The following TENM3 variants were observed in gnomAD, a reference collection of about 807,000 sequenced individuals.
TENM3 encodes teneurin transmembrane protein 3.
TENM3 carries 63 observed loss-of-function variants against 255.1 expected under a neutral mutation model. That is an observed-to-expected ratio of 0.25 (90% CI 0.20 to 0.30). TENM3 has a LOEUF of 0.30. Ranked by LOEUF, TENM3 falls within the 10% of genes least tolerant of loss-of-function variation. The pLI is 1.00. For synonymous variants in TENM3, 1,306 were observed against 1,322.3 expected, an observed-to-expected ratio of 0.99 and a Z score of 0.27; for missense variants, 2,929 against 3,461.1, an observed-to-expected ratio of 0.85 and a Z score of 3.86.
chr4:181,736,640 G>A, the TENM3 span, among the ~76,000 whole-genome samples: 3 of 151,652 alleles, frequency 2.0e-5, no homozygotes, highest in Admixed American at 6.6e-5. Context: ...TTATGTGAGC[G>A]TATACACCCA....
intron 3 of TENM3, among the ~76,000 whole-genome samples, chr4:182,558,803 TC>T (rs1423799371): frequency 6.6e-6 from 1 of 152,186 alleles, no homozygotes; most frequent in Non-Finnish European, 1.5e-5. Flanking sequence ...TTATGCTTCT[TC>T]CAGAGAAGCT....
chr4:182,511,912 A>C (rs1737437622), intron 3 of TENM3, among the ~76,000 whole-genome samples: 1 of 152,206 alleles, frequency 6.6e-6, no homozygotes, highest in Non-Finnish European at 1.5e-5. Flanking sequence ...ATAATCTAAG[A>C]GTTAAGTATT....
chr4:182,772,706 T>G (rs1764349103), intron 22 of TENM3: 1 of 152,174 alleles, frequency 6.6e-6, no homozygotes, highest in Non-Finnish European at 1.5e-5. Context: ...AAATGTATTT[T>G]AACACTCAAA....
chr4:182,089,708 C>T, the TENM3 span, among the ~76,000 whole-genome samples: 2 of 152,106 alleles, frequency 1.3e-5, no homozygotes, highest in African/African-American at 4.8e-5. Flanking sequence ...TAGTGCATTC[C>T]ACTGTATTCA....
At chr4:182,777,337 G>C (rs58812179) in intron 24 of TENM3, among the ~76,000 whole-genome samples, 8,405 of 152,136 alleles carry the variant, frequency 0.055, 782 homozygotes, top group African/African-American at 0.19. Flanking sequence ...AATGAGGAAA[G>C]CCAGCCTCAC....
the TENM3 span, among the ~76,000 whole-genome samples, chr4:181,788,563 G>T: frequency 6.6e-6 from 1 of 152,140 alleles, no homozygotes; most frequent in Non-Finnish European, 1.5e-5. Flanking sequence ...GTGCTTTCTA[G>T]GTACAGTGCG....
At chr4:181,950,767 A>G in the TENM3 span, among the ~76,000 whole-genome samples, 1 of 152,218 alleles carries the variant, frequency 6.6e-6, no homozygotes, top group Non-Finnish European at 1.5e-5. Context: ...ACAACCAGAC[A>G]CAGTTGCTCA....
At chr4:181,760,207 A>T in the TENM3 span, among the ~76,000 whole-genome samples, 1 of 152,200 alleles carries the variant, frequency 6.6e-6, no homozygotes, top group African/African-American at 2.4e-5. Flanking sequence ...CTCCAAAAAA[A>T]AAATCTCCAC....
At chr4:182,459,237 G>A (rs774051887) in intron 3 of TENM3, among the ~76,000 whole-genome samples, 6 of 151,980 alleles carry the variant, frequency 3.9e-5, no homozygotes, top group Non-Finnish European at 5.9e-5. Flanking sequence ...AGCCTGTGAG[G>A]CCTTTTCAAA....
intron 3 of TENM3, among the ~76,000 whole-genome samples, chr4:182,484,693 C>T (rs938621821): frequency 1.3e-5 from 2 of 151,992 alleles, no homozygotes; most frequent in Admixed American, 1.3e-4. Context: ...CTGGAGTACC[C>T]ATTTCAAAAT....
intron 3 of TENM3, among the ~76,000 whole-genome samples, chr4:182,347,359 A>C (rs1429355683): frequency 6.6e-6 from 1 of 152,216 alleles, no homozygotes; most frequent in Admixed American, 6.5e-5. Flanking sequence ...AGATATCTCA[A>C]AGAAGTTGCA....
At chr4:181,665,174 C>A in the TENM3 span, among the ~76,000 whole-genome samples, 4 of 152,162 alleles carry the variant, frequency 2.6e-5, no homozygotes, top group African/African-American at 7.2e-5. Flanking sequence ...ACCCTACGCA[C>A]TGAGGCACCA....
At chr4:182,650,171 A>G (rs922362990) in intron 5 of TENM3, among the ~76,000 whole-genome samples, 2 of 150,432 alleles carry the variant, frequency 1.3e-5, no homozygotes, top group African/African-American at 4.8e-5. Flanking sequence ...TTTGAAATGC[A>G]TATTGCATCA....
At chr4:182,001,103 G>A in the TENM3 span, among the ~76,000 whole-genome samples, 11 of 148,650 alleles carry the variant, frequency 7.4e-5, no homozygotes, top group Non-Finnish European at 1.3e-4. Flanking sequence ...CACCCACCAA[G>A]GTATTTGTAT....
the TENM3 span, among the ~76,000 whole-genome samples, chr4:182,112,080 G>A: frequency 1.1e-4 from 17 of 152,186 alleles, no homozygotes; most frequent in East Asian, 9.6e-4. Context: ...ACTTGACCCC[G>A]GGAGTTCCAG....
At chr4:181,924,020 A>C in the TENM3 span, among the ~76,000 whole-genome samples, 4 of 152,136 alleles carry the variant, frequency 2.6e-5, no homozygotes, top group African/African-American at 7.2e-5. Context: ...TACATGTCTT[A>C]CTGGGTTTAT....
At chr4:181,944,673 G>C in the TENM3 span, among the ~76,000 whole-genome samples, 1 of 152,008 alleles carries the variant, frequency 6.6e-6, no homozygotes, top group Non-Finnish European at 1.5e-5. Flanking sequence ...TCCAACATAG[G>C]GACAATGCCT....
At chr4:182,220,579 C>A (rs551342751) in intron 1 of TENM3, among the ~76,000 whole-genome samples, 1 of 152,130 alleles carries the variant, frequency 6.6e-6, no homozygotes, top group South Asian at 2.1e-4. Context: ...GAGTCCGTGG[C>A]CCTGTAGATT....
chr4:182,446,491 C>G (rs1393238227), intron 3 of TENM3, among the ~76,000 whole-genome samples: 5 of 152,132 alleles, frequency 3.3e-5, no homozygotes, highest in African/African-American at 1.2e-4. Context: ...GATCTTAAAA[C>G]CTTTCATTCT....
Sources: allele counts gnomAD v4.1 joint callset (sites outside exome capture counted in the v4.1 genomes callset), GRCh38; gene constraint gnomAD v4.1.1; transcripts MANE v1.5; gene names NCBI Gene and HGNC (gene_info 2026-07-23, HGNC 2026-07-21).